The following GALNTL6 variants were observed in gnomAD, a reference collection of about 807,000 sequenced individuals.
GALNTL6 encodes the protein polypeptide N-acetylgalactosaminyltransferase-like 6.
In GALNTL6, 46 loss-of-function variants were observed where a neutral mutation model predicts 73.7. The observed-to-expected ratio is 0.62, with a 90% confidence interval of 0.49 to 0.80. GALNTL6 has a LOEUF of 0.80. Among genes scored for constraint, GALNTL6 ranks in the 30% least tolerant of loss-of-function variants. GALNTL6 has a pLI of 0.00. For missense variants in GALNTL6, 604 were observed against 755.0 expected, an observed-to-expected ratio of 0.80 and a Z score of 2.34; for synonymous variants, 259 against 263.7, an observed-to-expected ratio of 0.98 and a Z score of 0.17.
chr4:172,942,841 A>G (rs542366501), intron 9 of GALNTL6, among the ~76,000 whole-genome samples: 9 of 152,272 alleles, frequency 5.9e-5, no homozygotes, highest in Non-Finnish European at 8.8e-5. Flanking sequence ...GGTCCTGAGT[A>G]GACTCAGTCA....
At chr4:172,983,656 T>C (rs186478194) in intron 10 of GALNTL6, among the ~76,000 whole-genome samples, 10 of 152,198 alleles carry the variant, frequency 6.6e-5, no homozygotes. Context: ...GACTGCACCA[T>C]TGCACTCCAG....
chr4:172,929,229 CT>C (rs1185268831), intron 8 of GALNTL6, among the ~76,000 whole-genome samples: 1 of 152,190 alleles, frequency 6.6e-6, no homozygotes. Context: ...CTGAATGTTG[CT>C]TTAATAATTG....
chr4:172,430,369 T>TCA (rs1175285597), intron 5 of GALNTL6, among the ~76,000 whole-genome samples: 1 of 151,944 alleles, frequency 6.6e-6, no homozygotes, highest in African/African-American at 2.4e-5. Flanking sequence ...ACCTAGCAAA[T>TCA]AATGATCTGT....
In GALNTL6 at chr4:172,067,914, C is replaced by T. The variant is rs1196475903; in HGVS notation, c.139-161742C>T. Among the ~76,000 whole-genome samples the T allele has an allele frequency of 1.5e-4, 17 of 110,296 alleles. 4 individuals carry two copies. In the Admixed American group the frequency reaches 1.6e-3, roughly 10 times the overall value. The allele number at this position is 110,296 out of a possible 152,430, so 72.4% of individuals were successfully genotyped here. On this transcript the variant is annotated intron_variant, in intron 2 of 12. Transcript: ENST00000506823. ...AGCAGAGGCTCAGTCACCAGTCATGCTTGTTCATGCTTTGCATGTATTGAA... is the reference window on the plus strand; with the variant it reads ...AGCAGAGGCTCAGTCACCAGTCATGTTTGTTCATGCTTTGCATGTATTGAA...
At chr4:172,393,248 G>A (rs1259644965) in intron 5 of GALNTL6, among the ~76,000 whole-genome samples, 1 of 152,126 alleles carries the variant, frequency 6.6e-6, no homozygotes, top group African/African-American at 2.4e-5. Context: ...CTATCCCTTA[G>A]GAGAAAACAC....
intron 5 of GALNTL6, among the ~76,000 whole-genome samples, chr4:172,603,590 AT>A (rs757861503): frequency 6.6e-6 from 1 of 152,374 alleles, no homozygotes; most frequent in Non-Finnish European, 1.5e-5. Flanking sequence ...AACAAAAAAA[AT>A]CTTAATGAAA....
intron 10 of GALNTL6, among the ~76,000 whole-genome samples, chr4:172,960,990 G>A (rs548305015): frequency 2.4e-4 from 33 of 139,112 alleles, no homozygotes; most frequent in African/African-American, 7.2e-4. Context: ...GTAGAGACAC[G>A]GGGAGAAGGG....
At chr4:172,724,965 A>G (rs373997941) in intron 5 of GALNTL6, among the ~76,000 whole-genome samples, 11 of 152,050 alleles carry the variant, frequency 7.2e-5, no homozygotes, top group African/African-American at 2.7e-4. Context: ...ACACCCAGAC[A>G]TGATTTCACA....
intron 10 of GALNTL6, among the ~76,000 whole-genome samples, chr4:173,007,596 C>T (rs969537367): frequency 1.3e-5 from 2 of 152,172 alleles, no homozygotes; most frequent in South Asian, 2.1e-4. Flanking sequence ...CAAGTGAGGT[C>T]GGGAGTTCAA....
At chr4:172,468,879 C>T (rs754556534) in intron 5 of GALNTL6, among the ~76,000 whole-genome samples, 57 of 152,244 alleles carry the variant, frequency 3.7e-4, no homozygotes, top group Admixed American at 3.9e-4. Context: ...ATTAGAGTTA[C>T]AACTCTACAA....
chr4:172,977,209 A>G (rs1750855031), intron 10 of GALNTL6, among the ~76,000 whole-genome samples: 1 of 152,224 alleles, frequency 6.6e-6, no homozygotes, highest in African/African-American at 2.4e-5. Context: ...TGTTTGCCAG[A>G]AAGAACAACA....
intron 5 of GALNTL6, among the ~76,000 whole-genome samples, chr4:172,568,528 G>A (rs567678213): frequency 1.1e-3 from 174 of 151,874 alleles, no homozygotes; most frequent in African/African-American, 2.9e-3. Context: ...AGGCCGAGGC[G>A]GGCGGATCAC....
intron 3 of GALNTL6, among the ~76,000 whole-genome samples, chr4:172,299,234 T>G (rs1332784507): frequency 5.3e-5 from 8 of 152,208 alleles, no homozygotes; most frequent in Non-Finnish European, 1.0e-4. Context: ...CATTTTTTAT[T>G]GCATCTATTT....
At chr4:172,040,823 A>G (rs1560896751) in intron 2 of GALNTL6, among the ~76,000 whole-genome samples, 1 of 152,052 alleles carries the variant, frequency 6.6e-6, no homozygotes, top group Non-Finnish European at 1.5e-5. Context: ...ATTATTTGTT[A>G]TTATCTTAGA....
intron 5 of GALNTL6, among the ~76,000 whole-genome samples, chr4:172,665,192 G>C (rs1013196680): frequency 1.3e-5 from 2 of 152,086 alleles, no homozygotes; most frequent in African/African-American, 4.8e-5. Context: ...GTTGTTTTAA[G>C]GCAACACCTC....
At position 172,682,708 on chromosome 4, in the gene GALNTL6, C is replaced by T. The variant is rs1732694600; in HGVS notation, c.554-126653C>T. On this transcript the variant is annotated intron_variant, in intron 5 of 12. Transcript: ENST00000506823. ...AGCTCAATGAGTGAGCTGGGTAGTA[C>T]TTTCTCCCCACTCAAAAAGGCTAAT... 2.0e-5 allele frequency among the ~76,000 whole-genome samples: 3 copies of T among 152,056 alleles called. No individual in the cohort carries two copies. The South Asian group carries it at 6.2e-4, about 31-fold the overall frequency.
chr4:173,007,405 T>C (rs1479832829), intron 10 of GALNTL6, among the ~76,000 whole-genome samples: 1 of 152,208 alleles, frequency 6.6e-6, no homozygotes, highest in African/African-American at 2.4e-5. Context: ...TCATTGACTT[T>C]CTGTAAGCAT....
intron 2 of GALNTL6, among the ~76,000 whole-genome samples, chr4:172,185,413 A>G (rs770837294): frequency 6.6e-6 from 1 of 152,190 alleles, no homozygotes; most frequent in Non-Finnish European, 1.5e-5. Context: ...CACAACTCTC[A>G]ATCTTGGTAG....
At chr4:172,223,326 G>A (rs1192839214) in intron 2 of GALNTL6, among the ~76,000 whole-genome samples, 1 of 152,018 alleles carries the variant, frequency 6.6e-6, no homozygotes, top group African/African-American at 2.4e-5. Context: ...ATCTGTGTTT[G>A]TACATATATG....
Sources: allele counts gnomAD v4.1 joint callset (sites outside exome capture counted in the v4.1 genomes callset), GRCh38; gene constraint gnomAD v4.1.1; transcripts MANE v1.5; gene names NCBI Gene and HGNC (gene_info 2026-07-23, HGNC 2026-07-21).